The following MYOF variants were observed in gnomAD, a reference collection of about 807,000 sequenced individuals.
MYOF encodes myoferlin, also known as fer-1-like 3, myoferlin.
In MYOF, 244 loss-of-function variants were observed where a neutral mutation model predicts 284.2. That is an observed-to-expected ratio of 0.86 (90% CI 0.77 to 0.95). MYOF has a LOEUF of 0.95. Among genes scored for constraint, MYOF ranks in the 40% least tolerant of loss-of-function variants. The pLI, the probability that MYOF is intolerant of heterozygous loss-of-function variation, is 0.00. For synonymous variants in MYOF, 904 were observed against 919.7 expected (o/e 0.98, Z 0.31); for missense variants, 2,496 against 2,560.6 (o/e 0.97, Z 0.54).
At chr10:93,405,642 G>C (rs73319694) in intron 7 of MYOF, among the ~76,000 whole-genome samples, 5,790 of 152,196 alleles carry the variant, frequency 0.038, 361 homozygotes, top group African/African-American at 0.13. Flanking sequence ...TTTCCTCACT[G>C]TCGGATGCAA....
chr10:93,439,159 T>A (rs2056168611), intron 3 of MYOF, among the ~76,000 whole-genome samples: 1 of 152,160 alleles, frequency 6.6e-6, no homozygotes, highest in African/African-American at 2.4e-5. Context: ...CCTCTGCAAC[T>A]CTGGCCACTA....
At chr10:93,458,041 G>A (rs2056786707) in intron 1 of MYOF, among the ~76,000 whole-genome samples, 1 of 151,912 alleles carries the variant, frequency 6.6e-6, no homozygotes, top group African/African-American at 2.4e-5. Context: ...ACTGCGCCCG[G>A]CATTCATCTA....
chr10:93,453,155 T>C (rs1383401612), intron 2 of MYOF, among the ~76,000 whole-genome samples: 4 of 131,712 alleles, frequency 3.0e-5, no homozygotes, highest in African/African-American at 1.1e-4. Context: ...TACAGGTGTG[T>C]ACCACCATAC....
intron 51 of MYOF, 81 bp downstream of exon 51, chr10:93,312,939 A>G (rs1842456747): frequency 2.5e-5 from 34 of 1,367,740 alleles, no homozygotes; most frequent in Non-Finnish European, 3.4e-5. Flanking sequence ...TTTTATCTGG[A>G]GTAAGTCTAT....
At chr10:93,394,944 G>A (rs1589497582) in intron 16 of MYOF, among the ~76,000 whole-genome samples, 1 of 150,398 alleles carries the variant, frequency 6.6e-6, no homozygotes, top group East Asian at 1.9e-4. Flanking sequence ...ATAATAACCA[G>A]GTTCTTATTT....
chr10:93,340,417 A>G (rs1016423923), intron 38 of MYOF, among the ~76,000 whole-genome samples: 3 of 152,210 alleles, frequency 2.0e-5, no homozygotes, highest in Non-Finnish European at 2.9e-5. Flanking sequence ...TTATAATGAA[A>G]GGCTTGGAAG....
chr10:93,330,849 G>T (rs1843265153), intron 43 of MYOF, among the ~76,000 whole-genome samples: 1 of 152,162 alleles, frequency 6.6e-6, no homozygotes, highest in African/African-American at 2.4e-5. Flanking sequence ...CATTTGAGCA[G>T]AAAACAGATG....
rs1564750812 is a variant in MYOF, at chr10:93,482,155, T to C, written c.40A>G (p.Lys14Glu). ...GGATCCGGCTTGCCAAATTTCGTTT[T>C]AGGGATATTGCTGGCAGATTCCACA... The part of the protein sequence containing the change: ...VIVESASNIP[K>E]TKFGKPDPIV... The change falls in exon 1 of 54, where the codon AAA (lysine) becomes GAA (glutamate). Residue 14 changes from lysine to glutamate, a missense_variant. This residue lies in a region of MYOF where 57 missense variants were observed against 62.4 expected (regional missense o/e 0.91). Coordinates refer to ENST00000359263, the MANE Select transcript of MYOF (RefSeq NM_013451.4). 1 of 1,614,192 alleles carries C rather than the reference T, an allele frequency of 6.2e-7. No homozygotes were observed. The highest frequency in any genetic ancestry group is 8.5e-7 in the Non-Finnish European group (1 of 1,180,018).
chr10:93,440,361 G>A (rs551165132), intron 3 of MYOF, among the ~76,000 whole-genome samples: 4 of 152,064 alleles, frequency 2.6e-5, no homozygotes, highest in South Asian at 4.2e-4. Context: ...GCAGTGAGCC[G>A]GGATTGTGCC....
intron 4 of MYOF, among the ~76,000 whole-genome samples, chr10:93,429,200 C>G (rs939135998): frequency 9.2e-5 from 14 of 152,120 alleles, no homozygotes; most frequent in Non-Finnish European, 1.8e-4. Context: ...CTGGCCCCTT[C>G]CCCCTCTTCT....
At chr10:93,333,369 G>A (rs1461858822) in intron 42 of MYOF, 57 bp from the exon 43 acceptor site, 1 of 1,469,464 alleles carries the variant, frequency 6.8e-7, no homozygotes, top group East Asian at 2.3e-5. Flanking sequence ...GTGAAGTCAA[G>A]TTCAGGGACA....
At chr10:93,397,143 T>C in intron 15 of MYOF, 104 bp downstream of exon 15, 1 of 1,043,018 alleles carries the variant, frequency 9.6e-7, no homozygotes, top group Non-Finnish European at 1.4e-6. Context: ...TCCTCTCCTC[T>C]GGAAGGAAAG....
chr10:93,422,394 A>T (rs1848390448), intron 5 of MYOF, among the ~76,000 whole-genome samples: 4 of 152,214 alleles, frequency 2.6e-5, no homozygotes, highest in Non-Finnish European at 4.4e-5. Flanking sequence ...GGACTCCTTC[A>T]GTCTACTGTC....
intron 5 of MYOF, among the ~76,000 whole-genome samples, chr10:93,410,598 T>C (rs1564696476): frequency 6.6e-6 from 1 of 152,182 alleles, no homozygotes; most frequent in African/African-American, 2.4e-5. Context: ...AAAAATCAAC[T>C]CTGCCTACTA....
intron 29 of MYOF, among the ~76,000 whole-genome samples, chr10:93,357,556 A>G (rs1413966965): frequency 6.6e-6 from 1 of 152,238 alleles, no homozygotes; most frequent in African/African-American, 2.4e-5. Context: ...AGTTTGATTT[A>G]AAATCTTAAA....
chr10:93,350,012 T>C lies in MYOF; in HGVS notation c.3922-43A>G, dbSNP rs1844431271. 3 of 1,569,902 alleles carry C rather than the reference T, an allele frequency of 1.9e-6. No individual in the cohort carries two copies. In the Middle Eastern group the frequency reaches 5.1e-4, roughly 268 times the overall value. On this transcript the variant is annotated intron_variant, in intron 35 of 53. Transcript: ENST00000359263. ...AGAGAGGGGAAGGTAACTCAGCACT[T>C]TAAAAATAATATTCAAAAGGAAAAA...
chr10:93,434,257 C>T (rs942224779), intron 3 of MYOF, among the ~76,000 whole-genome samples: 1 of 151,840 alleles, frequency 6.6e-6, no homozygotes, highest in African/African-American at 2.4e-5. Context: ...ATGGTGAAAC[C>T]CCGTCTCTAC....
intron 38 of MYOF, among the ~76,000 whole-genome samples, chr10:93,340,577 C>T (rs1233189861): frequency 2.0e-5 from 3 of 152,110 alleles, no homozygotes; most frequent in Admixed American, 6.6e-5. Context: ...AATATATCTC[C>T]GAACTTGGTC....
chr10:93,308,583 TCAA>T (rs1842235999), intron 53 of MYOF, among the ~76,000 whole-genome samples: 1 of 73,270 alleles, frequency 1.4e-5, no homozygotes. Flanking sequence ...AGACTCTGTC[TCAA>T]AAAAAAAAAA....
Sources: gnomAD v4.1 joint callset for allele counts (sites outside exome capture counted in the v4.1 genomes callset) on GRCh38, gnomAD v4.1.1 for gene constraint, gnomAD v4.1.1 regional missense constraint, MANE v1.5 for transcripts, NCBI Gene and HGNC (gene_info 2026-07-23, HGNC 2026-07-21) for gene names.